The following CHD3 variants were observed in gnomAD, a reference collection of about 807,000 sequenced individuals.
CHD3 encodes chromodomain helicase DNA binding protein 3.
Under a neutral mutation model 248.9 loss-of-function variants are expected in CHD3, and 52 were observed. The ratio of observed to expected loss-of-function variants is 0.21; its 90% CI spans 0.17 to 0.26. CHD3 has a LOEUF of 0.26. Ranked by LOEUF, CHD3 falls within the 10% of genes least tolerant of loss-of-function variation. The pLI is 1.00. For synonymous variants in CHD3, 985 were observed against 985.2 expected (o/e 1.00, Z 0.00); for missense variants, 1,482 against 2,605.8 (o/e 0.57, Z 9.39).
upstream of CHD3, among the ~76,000 whole-genome samples, chr17:7,886,097 GTCAC>G (rs1352846231): frequency 2.0e-5 from 3 of 152,186 alleles, no homozygotes; most frequent in Non-Finnish European, 2.9e-5. This position sits in a 1 kb window ranked among gnomAD's most constrained non-coding sequence, Gnocchi z 4.2. Context: ...GCCATTCACT[GTCAC>G]TCACTCTCTC....
rs751650978 is a variant in CHD3, at chr17:7,907,219, G to A, written c.4760G>A (p.Ser1587Asn). 6.2e-7 allele frequency: 1 copy of A among 1,614,250 alleles called. No individual in the cohort carries two copies. Among genetic ancestry groups the A allele is most frequent in the Admixed American group, 1.7e-5 (1 of 60,030 alleles). ...ENQEEKPEKN[S>N]RIGEKMETEA... ...CAGGAGGAAAAGCCAGAGAAGAACA[G>A]CAGAATTGGGGAGAAGATGGAGACA... is the stretch of plus-strand genomic sequence containing the variant. Residue 1587 changes from serine to asparagine, a missense_variant, in exon 31 of 40, where the codon AGC (serine) becomes AAC (asparagine). Ser to Asn is a conservative substitution (Grantham distance 46). Transcript: ENST00000330494. The surrounding 1 kb of genome is among the most constrained non-coding windows in gnomAD (Gnocchi z 4.3).
chr17:7,901,208 C>G (rs771170143), intron 19 of CHD3, 36 bp from the exon 20 acceptor site: 4 of 1,567,278 alleles, frequency 2.6e-6, no homozygotes, highest in East Asian at 2.3e-5. Context: ...ATGTTTCCAA[C>G]TGACCCCCTC....
In CHD3 at chr17:7,905,845, C is replaced by G; in HGVS notation, c.4225-11C>G. On this transcript the variant is annotated splice_polypyrimidine_tract_variant and intron_variant, in intron 27 of 39. Transcript: ENST00000330494. This position sits in a 1 kb window ranked among gnomAD's most constrained non-coding sequence, Gnocchi z 5.8. Reference sequence around the variant, plus strand: ...CATTTGTCGCCATTGCCTCCTTGCTCCCACCCTCAGGTGCTGGGCTTCAAC... The same window carrying G: ...CATTTGTCGCCATTGCCTCCTTGCTGCCACCCTCAGGTGCTGGGCTTCAAC... 6.2e-7 allele frequency: 1 copy of G among 1,614,142 alleles called. No individual in the cohort carries two copies. The highest frequency in any genetic ancestry group is 8.5e-7 in the Non-Finnish European group (1 of 1,180,034).
intron 20 of CHD3, 25 bp downstream of exon 20, chr17:7,901,400 T>C: frequency 6.4e-7 from 1 of 1,552,896 alleles, no homozygotes; most frequent in Non-Finnish European, 8.7e-7. Flanking sequence ...TAGCTGTCTT[T>C]ACATCTGCTT....
chr17:7,897,819 C>A lies in CHD3; in HGVS notation c.1920-152C>A. ...TGAGAAGGTTAGGCTGCTAGGTCAA[C>A]TATTCCAATCTCCCTTCCAGCAGCT... On this transcript the variant is annotated intron_variant, in intron 11 of 39. Coordinates refer to ENST00000330494, the MANE Select transcript of CHD3 (RefSeq NM_001005273.3). The surrounding 1 kb of genome is among the most constrained non-coding windows in gnomAD (Gnocchi z 4.8). 1 of 802,006 alleles carries A rather than the reference C, an allele frequency of 1.2e-6. No homozygotes were observed. Among genetic ancestry groups the A allele is most frequent in the Non-Finnish European group, 2.0e-6 (1 of 505,668 alleles). 49.7% of individuals were successfully genotyped at this position (802,006 alleles called of 1,614,324 possible).
At chr17:7,898,139 CGAT>C (rs1481426071) in intron 12 of CHD3, 37 bp downstream of exon 12, 1 of 1,606,528 alleles carries the variant, frequency 6.2e-7, no homozygotes, top group African/African-American at 1.3e-5. Flanking sequence ...GGGATTCTGA[CGAT>C]GAGGGCATGA....
chr17:7,896,710 G>A (rs1404372163), intron 10 of CHD3, among the ~76,000 whole-genome samples: 1 of 151,892 alleles, frequency 6.6e-6, no homozygotes, highest in African/African-American at 2.4e-5. Context: ...CCCGGCTGGA[G>A]TGCAGTGGTG....
Position 7,890,719 on chromosome 17 carries a change from G to GGGA in CHD3, c.365_367dup (p.Glu122dup). The GGGA allele has an allele frequency of 1.6e-5, 25 of 1,587,594 alleles. No individual in the cohort carries two copies. The highest frequency in any genetic ancestry group is 2.1e-5 in the Non-Finnish European group (25 of 1,169,282). On this transcript the variant is annotated inframe_insertion, in exon 3 of 40. Coordinates refer to ENST00000330494, the MANE Select transcript of CHD3 (RefSeq NM_001005273.3). ...AAGAAGACAAAGCGGCGGAAAAAGG[G>GGGA]GGAGGGAGATGGGGGGCAAAAGGTG... is the stretch of plus-strand genomic sequence containing the variant.
In CHD3 at chr17:7,910,927, C is replaced by T. The variant is rs142929440; in HGVS notation, c.5835C>T (p.Ala1945=). 2.5e-5 allele frequency: 41 copies of T among 1,613,594 alleles called. No individual in the cohort carries two copies. Among genetic ancestry groups the T allele is most frequent in the Admixed American group, 1.7e-4 (10 of 59,782 alleles). The change falls in exon 39 of 40, where the codon GCC becomes GCT. Residue 1945 remains alanine (A), a synonymous_variant. Coordinates refer to ENST00000330494, the MANE Select transcript of CHD3 (RefSeq NM_001005273.3). This position sits in a 1 kb window ranked among gnomAD's most constrained non-coding sequence, Gnocchi z 4.7. The part of the protein sequence containing the change: ...FSAAPVGALA[A]AGANYSQMPA... ...CCGCACCCGTAGGGGCCCTGGCCGC[C>T]GCAGGCGCCAATTACAGCCAGATGC... is the stretch of plus-strand genomic sequence containing the variant.
At position 7,897,121 on chromosome 17, in the gene CHD3, G is replaced by A. The variant is rs751290768; in HGVS notation, c.1746G>A (p.Gln582=). The part of the protein sequence containing the change: ...IFHLVMYRNY[Q]RKNDMDEPPP... The stretch of plus-strand genomic sequence containing the variant: ...ATTTGGTTATGTATCGAAACTACCA[G>A]CGGAAGAATGACATGGATGAGCCCC... The change falls in exon 11 of 40, where the codon CAG becomes CAA. Residue 582 remains glutamine, a synonymous_variant. Coordinates refer to ENST00000330494, the MANE Select transcript of CHD3 (RefSeq NM_001005273.3). This position sits in a 1 kb window ranked among gnomAD's most constrained non-coding sequence, Gnocchi z 4.8. 66 of 1,614,174 alleles carry A rather than the reference G, an allele frequency of 4.1e-5. No homozygotes were observed. Among genetic ancestry groups the A allele is most frequent in the Non-Finnish European group, 5.5e-5 (65 of 1,180,024 alleles).
chr17:7,890,012 G>A (rs1372178438), intron 2 of CHD3, among the ~76,000 whole-genome samples: 1 of 152,162 alleles, frequency 6.6e-6, no homozygotes, highest in East Asian at 1.9e-4. Flanking sequence ...GTCCTCAGCA[G>A]CAAAGAGAAG....
chr17:7,897,108 A>T lies in CHD3; in HGVS notation c.1733A>T (p.Tyr578Phe). Residue 578 changes from tyrosine to phenylalanine, a missense_variant, in exon 11 of 40, where the codon TAT becomes TTT. Tyr to Phe is a conservative substitution (Grantham distance 22, BLOSUM62 3). Coordinates refer to ENST00000330494, the MANE Select transcript of CHD3 (RefSeq NM_001005273.3). The surrounding 1 kb of genome is among the most constrained non-coding windows in gnomAD (Gnocchi z 4.8). ...CTGGAAATCTTCCATTTGGTTATGT[A>T]TCGAAACTACCAGCGGAAGAATGAC... is the stretch of plus-strand genomic sequence containing the variant. ...LQLEIFHLVM[Y>F]RNYQRKNDMD... 6.2e-7 allele frequency: 1 copy of T among 1,614,010 alleles called. No individual in the cohort carries two copies. Among genetic ancestry groups the T allele is most frequent in the Non-Finnish European group, 8.5e-7 (1 of 1,179,994 alleles).
In CHD3 at chr17:7,908,676, T is replaced by C. The variant is rs562699327; in HGVS notation, c.5262-21T>C. On this transcript the variant is annotated intron_variant, in intron 35 of 39. Coordinates refer to ENST00000330494, the MANE Select transcript of CHD3 (RefSeq NM_001005273.3). The surrounding 1 kb of genome is among the most constrained non-coding windows in gnomAD (Gnocchi z 5.8). The stretch of plus-strand genomic sequence containing the variant: ...CCATTCCTGTTAAATTCCTTGATGG[T>C]TCCTTTTCCTTCATTGGTAGCCATG... 1.2e-6 allele frequency: 2 copies of C among 1,613,664 alleles called. No individual in the cohort carries two copies. The highest frequency in any genetic ancestry group is 1.1e-5 in the South Asian group (1 of 91,064).
chr17:7,894,741 C>A, intron 8 of CHD3, 133 bp downstream of exon 8: 1 of 1,332,230 alleles, frequency 7.5e-7, no homozygotes, highest in Non-Finnish European at 1.0e-6. Flanking sequence ...GTCTAGGATC[C>A]TAATGTATTC....
At position 7,894,210 on chromosome 17, in the gene CHD3, C is replaced by T. The variant is rs748486028; in HGVS notation, c.1020C>T (p.Gly340=). Residue 340 remains glycine, a synonymous_variant, in exon 7 of 40, where the codon GGC becomes GGT. Transcript: ENST00000330494. The part of the protein sequence containing the change: ...SVHSASGRPD[G]PVRTKKLKRG... ...ACAGTGCCTCAGGCCGGCCTGATGGCCCTGTCCGCACCAAGAAACTAAAGA... is the reference window on the plus strand; with the variant it reads ...ACAGTGCCTCAGGCCGGCCTGATGGTCCTGTCCGCACCAAGAAACTAAAGA... 2 of 1,614,140 alleles carry T rather than the reference C, an allele frequency of 1.2e-6. No individual in the cohort carries two copies. Among genetic ancestry groups the T allele is most frequent in the Non-Finnish European group, 1.7e-6 (2 of 1,180,004 alleles).
chr17:7,889,234 A>G lies in CHD3; in HGVS notation c.100+134A>G, dbSNP rs1968466577. 3 of 1,105,754 alleles carry G rather than the reference A, an allele frequency of 2.7e-6. No individual in the cohort carries two copies. Among genetic ancestry groups the G allele is most frequent in the Non-Finnish European group, 2.6e-6 (2 of 774,598 alleles). 68.5% of individuals were successfully genotyped at this position (1,105,754 alleles called of 1,614,324 possible). On this transcript the variant is annotated intron_variant, in intron 1 of 39. Transcript: ENST00000330494. This position sits in a 1 kb window ranked among gnomAD's most constrained non-coding sequence, Gnocchi z 4.5. ...CCAGCATCTGGCTTAGGGAGCTGCC[A>G]GCTTGTGTCTCCCCACTCCAAGTGC... is the stretch of plus-strand genomic sequence containing the variant.
At position 7,909,026 on chromosome 17, in the gene CHD3, G is replaced by T; in HGVS notation, c.5395-117G>T. 2.1e-6 allele frequency: 3 copies of T among 1,439,904 alleles called. No homozygotes were observed. Among genetic ancestry groups the T allele is most frequent in the Non-Finnish European group, 2.8e-6 (3 of 1,061,268 alleles). The allele number at this position is 1,439,904 out of a possible 1,614,324, so 89.2% of individuals were successfully genotyped here. A position where few individuals can be genotyped will look rare whatever the true frequency, so the allele number is the denominator to read the frequency against. ...CTAGGTTCGCAGTCGGTTTGGAGCT[G>T]GGAGTGCCCTGGGCCAGCAGTGAGG... On this transcript the variant is annotated intron_variant, in intron 36 of 39. Coordinates refer to ENST00000330494, the MANE Select transcript of CHD3 (RefSeq NM_001005273.3). This position sits in a 1 kb window ranked among gnomAD's most constrained non-coding sequence, Gnocchi z 8.1.
Position 7,908,936 on chromosome 17 carries a change from A to C in CHD3, c.5394+107A>C. 2 of 1,503,758 alleles carry C rather than the reference A, an allele frequency of 1.3e-6. No individual in the cohort carries two copies. The highest frequency in any genetic ancestry group is 1.8e-6 in the Non-Finnish European group (2 of 1,095,846). The allele number at this position is 1,503,758 out of a possible 1,614,324, so 93.2% of individuals were successfully genotyped here. On this transcript the variant is annotated intron_variant, in intron 36 of 39. Transcript: ENST00000330494. The surrounding 1 kb of genome is among the most constrained non-coding windows in gnomAD (Gnocchi z 5.8). ...GGTTAACACCTTCAGGGCTGAGGTGATACCTGGGGCCAAGACCAAAGTGTA... is the reference window on the plus strand; with the variant it reads ...GGTTAACACCTTCAGGGCTGAGGTGCTACCTGGGGCCAAGACCAAAGTGTA...
Position 7,897,035 on chromosome 17 carries a change from C to T in CHD3, c.1708-48C>T, listed in dbSNP as rs1969768518. Reference sequence around the variant, plus strand: ...CCTCTTCCCGGTTCCTTGTTGTCCTCTGTGAGTGTCAGGACTATCTCTTTC... The same window carrying T: ...CCTCTTCCCGGTTCCTTGTTGTCCTTTGTGAGTGTCAGGACTATCTCTTTC... On this transcript the variant is annotated intron_variant, in intron 10 of 39. Coordinates refer to ENST00000330494, the MANE Select transcript of CHD3 (RefSeq NM_001005273.3). This position sits in a 1 kb window ranked among gnomAD's most constrained non-coding sequence, Gnocchi z 4.8. 1 of 1,511,006 alleles carries T rather than the reference C, an allele frequency of 6.6e-7. No homozygotes were observed. The highest frequency in any genetic ancestry group is 9.2e-7 in the Non-Finnish European group (1 of 1,086,872). 93.6% of individuals were successfully genotyped at this position (1,511,006 alleles called of 1,614,324 possible). A position where few individuals can be genotyped will look rare whatever the true frequency, so the allele number is the denominator to read the frequency against.
Sources: allele counts gnomAD v4.1 joint callset (sites outside exome capture counted in the v4.1 genomes callset), GRCh38; gene constraint gnomAD v4.1.1; non-coding constraint Gnocchi (gnomAD v3.1); transcripts MANE v1.5; gene names NCBI Gene and HGNC (gene_info 2026-07-23, HGNC 2026-07-21).